The following NBEAL2 variants were observed in gnomAD, a reference collection of about 807,000 sequenced individuals.
NBEAL2 encodes neurobeachin-like protein 2.
Under a neutral mutation model 299.8 loss-of-function variants are expected in NBEAL2, and 160 were observed. That is an observed-to-expected ratio of 0.53 (90% CI 0.47 to 0.61). NBEAL2 has a LOEUF of 0.61. NBEAL2 is among the 20% of genes least tolerant of loss of function. The pLI is 0.00. For missense variants in NBEAL2, 3,112 were observed against 3,649.0 expected (o/e 0.85, Z 3.79); for synonymous variants, 1,493 against 1,542.3 (o/e 0.97, Z 0.75).
rs1157684505 is a variant in NBEAL2 at position 47,007,152 on chromosome 3, G to A, written c.7221G>A (p.Leu2407=). The change falls in exon 46 of 54, where the codon CTG becomes CTA. Residue 2407 remains leucine (L), a synonymous_variant. Coordinates refer to ENST00000450053, the MANE Select transcript of NBEAL2 (RefSeq NM_015175.3). ...TCATCACCCAGGGTTCCCCAGACCT[G>A]TTGGTAAGTGCATTGTGCAGAGCCC... ...HSFITQGSPD[L]LVTVSASGLL... 1.9e-6 allele frequency: 3 copies of A among 1,613,572 alleles called. No homozygotes were observed. The highest frequency in any genetic ancestry group is 1.3e-5 in the African/African-American group (1 of 74,934).
At chr3:47,005,359 A>C (rs1454925027) in intron 40 of NBEAL2, 38 bp downstream of exon 40, 1 of 1,592,768 alleles carries the variant, frequency 6.3e-7, no homozygotes, top group Non-Finnish European at 8.5e-7. Flanking sequence ...TAGGGGGCAG[A>C]TAAGGGGAGG....
chr3:46,989,510 G>A lies in NBEAL2; in HGVS notation c.474-1G>A. 1.9e-6 allele frequency: 3 copies of A among 1,589,228 alleles called. No individual in the cohort carries two copies. Among genetic ancestry groups the A allele is most frequent in the East Asian group, 2.3e-5 (1 of 43,376 alleles). ...GATGTACTTGGCCTCACTGCCCCCA[G>A]GGAAGTCATCAGCTCCAAGGAGAAG... On this transcript the variant is annotated splice_acceptor_variant, in intron 5 of 53. Transcript: ENST00000450053. LOFTEE classifies it high-confidence loss of function. This position sits in a 1 kb window ranked among gnomAD's most constrained non-coding sequence, Gnocchi z 5.5.
At position 47,004,270 on chromosome 3, in the gene NBEAL2, C is replaced by T. The variant is rs1179260536; in HGVS notation, c.6075C>T (p.Ile2025=). Residue 2025 remains isoleucine, a synonymous_variant, in exon 37 of 54, where the codon ATC becomes ATT. Coordinates refer to ENST00000450053, the MANE Select transcript of NBEAL2 (RefSeq NM_015175.3). The surrounding 1 kb of genome is among the most constrained non-coding windows in gnomAD (Gnocchi z 5.0). ...CTCCCAGACCCCAGCCTGGCCCCAT[C>T]CCACCCCATACCCAGGTACGGAACC... The part of the protein sequence containing the change: ...SQTPRPQPGP[I]PPHTQVRNQV... The T allele has an allele frequency of 1.9e-6, 3 of 1,613,408 alleles. No homozygotes were observed. The highest frequency in any genetic ancestry group is 1.3e-5 in the African/African-American group (1 of 74,888).
intron 1 of NBEAL2, among the ~76,000 whole-genome samples, chr3:46,984,857 C>T (rs2107265284): frequency 6.6e-6 from 1 of 152,244 alleles, no homozygotes; most frequent in East Asian, 1.9e-4. Context: ...GGAGCTCGGG[C>T]AGGCCAGAGC....
chr3:46,987,509 G>A (rs1200579783), intron 1 of NBEAL2, among the ~76,000 whole-genome samples: 1 of 152,232 alleles, frequency 6.6e-6, no homozygotes, highest in East Asian at 1.9e-4. Context: ...GAGCAGATAC[G>A]GGCTAGGCTA....
chr3:46,998,427 C>G, intron 21 of NBEAL2, 36 bp from the exon 22 acceptor site: 1 of 1,577,144 alleles, frequency 6.3e-7, no homozygotes, highest in Non-Finnish European at 8.7e-7. Context: ...CCCAGCTCAG[C>G]CTAGTGGCCT....
chr3:46,995,037 G>C lies in NBEAL2; in HGVS notation c.1302G>C (p.Val434=), dbSNP rs1368483254. Residue 434 remains valine, a synonymous_variant, in exon 13 of 54, where the codon GTG becomes GTC. Coordinates refer to ENST00000450053, the MANE Select transcript of NBEAL2 (RefSeq NM_015175.3). ...GTCATTCTCTCCACCCACAGGCTGT[G>C]GAGGGTGACCACAGCATGTGCCCAC... The part of the protein sequence containing the change: ...RLLQELLNMA[V]EGDHSMCPPP... 1 of 1,543,798 alleles carries C rather than the reference G, an allele frequency of 6.5e-7. No individual in the cohort carries two copies.
rs774255725 is a variant in NBEAL2 at position 46,994,510 on chromosome 3, A to G, written c.1253A>G (p.His418Arg). The G allele has an allele frequency of 6.9e-6, 11 of 1,595,314 alleles. No homozygotes were observed. The African/African-American group carries it at 8.0e-5, about 12-fold the overall frequency. ...YPHLQEVLQS[H>R]GPPTHRLLQE... ...CACCTGCAGGAGGTTCTGCAGAGCCATGGTCCCCCCACCCATCGGCTGTTG... is the reference window on the plus strand; with the variant it reads ...CACCTGCAGGAGGTTCTGCAGAGCCGTGGTCCCCCCACCCATCGGCTGTTG... The change falls in exon 12 of 54, where the codon CAT becomes CGT. Residue 418 changes from histidine to arginine, a missense_variant. Around this residue, in one of 3 missense-constraint regions of NBEAL2, gnomAD observed 2,243 missense variants for 2,538.1 expected, o/e 0.88. Transcript: ENST00000450053.
chr3:47,008,161 T>G lies in NBEAL2; in HGVS notation c.7694T>G (p.Leu2565Arg), dbSNP rs1195987478. 6.2e-7 allele frequency: 1 copy of G among 1,613,994 alleles called. No individual in the cohort carries two copies. The highest frequency in any genetic ancestry group is 8.5e-7 in the Non-Finnish European group (1 of 1,179,876). Residue 2565 changes from leucine to arginine, a missense_variant, in exon 50 of 54, where the codon CTT becomes CGT. Physicochemically the swap from Leu to Arg is moderately radical, Grantham distance 102 (BLOSUM62 -2). Coordinates refer to ENST00000450053, the MANE Select transcript of NBEAL2 (RefSeq NM_015175.3). Reference sequence around the variant, plus strand: ...AGCTGTGTGGCCATCAGCACTGAACTTGACATGGCTGTGTCTGGATCTGAG... The same window carrying G: ...AGCTGTGTGGCCATCAGCACTGAACGTGACATGGCTGTGTCTGGATCTGAG... ...AVSCVAISTE[L>R]DMAVSGSEDG...
intron 40 of NBEAL2, 37 bp downstream of exon 40, chr3:47,005,358 G>A (rs1394966642): frequency 6.3e-7 from 1 of 1,593,832 alleles, no homozygotes; most frequent in Non-Finnish European, 8.5e-7. Flanking sequence ...CTAGGGGGCA[G>A]ATAAGGGGAG....
In NBEAL2 at chr3:47,007,317, G is replaced by C. The variant is rs1161814922; in HGVS notation, c.7301G>C (p.Ser2434Thr). The C allele has an allele frequency of 2.5e-6, 4 of 1,610,636 alleles. No homozygotes were observed. Among genetic ancestry groups the C allele is most frequent in the South Asian group, 1.1e-5 (1 of 90,350 alleles). ...PYDRNISNYFSFSKDPTMGSH... is the reference protein window; with the variant it reads ...PYDRNISNYFTFSKDPTMGSH... Reference sequence around the variant, plus strand: ...GACCGCAACATAAGCAACTACTTCAGCTTCAGCAAAGACCCCACCATGGGC... The same window carrying C: ...GACCGCAACATAAGCAACTACTTCACCTTCAGCAAAGACCCCACCATGGGC... The change falls in exon 47 of 54, where the codon AGC (serine) becomes ACC (threonine). Residue 2434 changes from serine to threonine, a missense_variant. By Grantham distance (58) the Ser-to-Thr change is moderately conservative (BLOSUM62 1). Coordinates refer to ENST00000450053, the MANE Select transcript of NBEAL2 (RefSeq NM_015175.3).
chr3:46,986,133 G>C (rs773730952), intron 1 of NBEAL2, among the ~76,000 whole-genome samples: 4 of 152,102 alleles, frequency 2.6e-5, no homozygotes, highest in Non-Finnish European at 5.9e-5. Flanking sequence ...TGGAGACCTC[G>C]TCATCCCCTT....
rs2107431104 is a variant in NBEAL2, at chr3:47,004,483, C to T, written c.6199-12C>T. On this transcript the variant is annotated splice_polypyrimidine_tract_variant and intron_variant, in intron 37 of 53. Transcript: ENST00000450053. This position sits in a 1 kb window ranked among gnomAD's most constrained non-coding sequence, Gnocchi z 5.0. ...CCCACCTGGCTCACATCTTGTCTGC[C>T]CCTGTCCCCAGAAATGGGTACAGCG... The T allele has an allele frequency of 6.2e-7, 1 of 1,612,768 alleles. No individual in the cohort carries two copies. The highest frequency in any genetic ancestry group is 1.3e-5 in the African/African-American group (1 of 75,000).
Position 47,002,289 on chromosome 3 carries a change from G to A in NBEAL2, c.5151+1G>A. The A allele has an allele frequency of 1.3e-6, 2 of 1,577,502 alleles. No individual in the cohort carries two copies. The highest frequency in any genetic ancestry group is 1.7e-6 in the Non-Finnish European group (2 of 1,158,836). On this transcript the variant is annotated splice_donor_variant, in intron 31 of 53. Transcript: ENST00000450053. LOFTEE classifies it high-confidence loss of function. ...ATGGCGCCACTTCATCGACAAACAG[G>A]TGCCTGGAGGTTGGGGCCCAGGAAG...
intron 24 of NBEAL2, 47 bp from the exon 25 acceptor site, chr3:46,999,268 A>G (rs2036764219): frequency 1.3e-6 from 2 of 1,571,950 alleles, no homozygotes; most frequent in South Asian, 1.2e-5. Context: ...CCCCTCCTAC[A>G]GTAACTCCTT....
chr3:46,988,192 TAAA>T lies in NBEAL2; in HGVS notation c.52-476_52-474del. On this transcript the variant is annotated intron_variant, in intron 1 of 53. Coordinates refer to ENST00000450053, the MANE Select transcript of NBEAL2 (RefSeq NM_015175.3). This position sits in a 1 kb window ranked among gnomAD's most constrained non-coding sequence, Gnocchi z 4.4. ...ACACGTGTGTCCTGGGATCCACAGTTAAAGAAGGCTACTGAAGGTGGTGGCTGC... is the reference window on the plus strand; with the variant it reads ...ACACGTGTGTCCTGGGATCCACAGTTGAAGGCTACTGAAGGTGGTGGCTGC... The T allele has an allele frequency of 1.3e-6, 1 of 757,526 alleles. No individual in the cohort carries two copies. The highest frequency in any genetic ancestry group is 1.8e-6 in the Non-Finnish European group (1 of 563,348). 46.9% of individuals were successfully genotyped at this position (757,526 alleles called of 1,614,324 possible). A position where few individuals can be genotyped will look rare whatever the true frequency, so the allele number is the denominator to read the frequency against.
intron 1 of NBEAL2, among the ~76,000 whole-genome samples, chr3:46,985,784 T>C (rs1384984597): frequency 6.6e-6 from 1 of 152,110 alleles, no homozygotes; most frequent in Non-Finnish European, 1.5e-5. Context: ...CCCAGTTAGG[T>C]TGGGGCAAGG....
rs549769019 is a variant in NBEAL2 at position 46,989,840 on chromosome 3, G to T, written c.556+247G>T. 6.6e-6 allele frequency among the ~76,000 whole-genome samples: 1 copy of T among 152,038 alleles called. No homozygotes were observed. The highest frequency in any genetic ancestry group is 1.5e-5 in the Non-Finnish European group (1 of 67,996). ...CCCAGATTTCTCATCCTCTTTCCCC[G>T]CCATCTCCTGGATCCTTCTAGCCAC... On this transcript the variant is annotated intron_variant, in intron 6 of 53. Coordinates refer to ENST00000450053, the MANE Select transcript of NBEAL2 (RefSeq NM_015175.3). The surrounding 1 kb of genome is among the most constrained non-coding windows in gnomAD (Gnocchi z 5.5).
chr3:46,998,979 G>A lies in NBEAL2; in HGVS notation c.3405G>A (p.Leu1135=). ...DDGQAVGALD[L]LLALLHGSLV... ...CCCAGGCGGTGGGTGCGCTGGACCT[G>A]CTGCTGGCCCTGCTGCACGGTTCCC... Residue 1135 remains leucine, a synonymous_variant, in exon 24 of 54, where the codon CTG becomes CTA. Transcript: ENST00000450053. 1 of 1,607,646 alleles carries A rather than the reference G, an allele frequency of 6.2e-7. No individual in the cohort carries two copies. The highest frequency in any genetic ancestry group is 8.5e-7 in the Non-Finnish European group (1 of 1,177,314).
Sources: gnomAD v4.1 joint callset for allele counts (sites outside exome capture counted in the v4.1 genomes callset) on GRCh38, gnomAD v4.1.1 for gene constraint, gnomAD v4.1.1 regional missense constraint, Gnocchi (gnomAD v3.1) non-coding constraint, MANE v1.5 for transcripts, NCBI Gene and HGNC (gene_info 2026-07-23, HGNC 2026-07-21) for gene names.